GRM7: variants seen among roughly 807,000 people sequenced by gnomAD.
GRM7 encodes the protein glutamate metabotropic receptor 7, also known as metabotropic glutamate receptor 7.
A neutral mutation model predicts 84.5 loss-of-function variants in GRM7; 35 were observed. The ratio of observed to expected loss-of-function variants is 0.41; its 90% CI spans 0.32 to 0.55. GRM7 has a LOEUF of 0.55. Ranked by LOEUF, GRM7 falls within the 20% of genes least tolerant of loss-of-function variation. The pLI, the probability that GRM7 is intolerant of heterozygous loss-of-function variation, is 0.19. For missense variants in GRM7, 1,003 were observed against 1,194.6 expected (o/e 0.84, Z 2.36); for synonymous variants, 487 against 455.1 (o/e 1.07, Z -0.89).
intron 7 of GRM7, among the ~76,000 whole-genome samples, chr3:7,512,969 C>A (rs1292795379): frequency 6.6e-6 from 1 of 152,126 alleles, no homozygotes; most frequent in Non-Finnish European, 1.5e-5. Context: ...AATAGAAAAT[C>A]AATTTTAATT....
At chr3:7,297,044 T>C (rs931124943) in intron 2 of GRM7, among the ~76,000 whole-genome samples, 2 of 152,132 alleles carry the variant, frequency 1.3e-5, no homozygotes, top group Non-Finnish European at 2.9e-5. Context: ...TTTCTGCTTT[T>C]TTTTGGTATT....
At chr3:7,324,453 G>A (rs564955260) in intron 4 of GRM7, among the ~76,000 whole-genome samples, 1 of 152,256 alleles carries the variant, frequency 6.6e-6, no homozygotes, top group South Asian at 2.1e-4. Flanking sequence ...CCTCAGCCCA[G>A]TTCTATAACA....
chr3:7,378,407 T>C (rs1223094374), intron 4 of GRM7, among the ~76,000 whole-genome samples: 1 of 152,198 alleles, frequency 6.6e-6, no homozygotes, highest in African/African-American at 2.4e-5. Flanking sequence ...TAATATGAAG[T>C]AATATTTTTC....
chr3:7,730,806 C>T (rs1382954049), intron 9 of GRM7, among the ~76,000 whole-genome samples: 1 of 152,186 alleles, frequency 6.6e-6, no homozygotes, highest in East Asian at 1.9e-4. Flanking sequence ...AGATTGCTTG[C>T]ATCTATAATA....
Position 6,861,592 on chromosome 3 carries a change from C to G in GRM7, c.204C>G (p.Gly68=). The part of the protein sequence containing the change: ...HAKGPSGVPC[G]DIKRENGIHR... ...AGGGTCCCAGCGGAGTGCCCTGCGGCGACATCAAGAGGGAAAACGGGATCC... is the reference window on the plus strand; with the variant it reads ...AGGGTCCCAGCGGAGTGCCCTGCGGGGACATCAAGAGGGAAAACGGGATCC... Residue 68 remains glycine, a synonymous_variant, in exon 1 of 10, where the codon GGC becomes GGG. Transcript: ENST00000357716. This position sits in a 1 kb window ranked among gnomAD's most constrained non-coding sequence, Gnocchi z 6.4. 6.2e-7 allele frequency: 1 copy of G among 1,609,438 alleles called. No homozygotes were observed. The highest frequency in any genetic ancestry group is 8.5e-7 in the Non-Finnish European group (1 of 1,177,536).
At chr3:7,076,563 G>A (rs1698087994) in intron 1 of GRM7, among the ~76,000 whole-genome samples, 3 of 152,200 alleles carry the variant, frequency 2.0e-5, no homozygotes, top group Middle Eastern at 3.4e-3. Context: ...GCAGAACTTT[G>A]AGTCAATTAA....
intron 9 of GRM7, chr3:7,691,389 G>A: frequency 1.9e-6 from 1 of 514,454 alleles, no homozygotes. Flanking sequence ...CTCTGGTCAA[G>A]AAAAAGAAAA....
At chr3:7,050,420 G>A (rs772452386) in intron 1 of GRM7, among the ~76,000 whole-genome samples, 5 of 151,902 alleles carry the variant, frequency 3.3e-5, no homozygotes, top group African/African-American at 9.6e-5. Flanking sequence ...AAGCTTCGTA[G>A]CCTGGAAACA....
intron 1 of GRM7, among the ~76,000 whole-genome samples, chr3:6,960,191 C>A (rs1400167156): frequency 6.6e-6 from 1 of 152,140 alleles, no homozygotes; most frequent in African/African-American, 2.4e-5. Context: ...AGCTGAGCCA[C>A]CCCCAATCCA....
Position 7,337,501 on chromosome 3 carries a change from C to A in GRM7, c.1033+30849C>A, listed in dbSNP as rs954206142. On this transcript the variant is annotated intron_variant, in intron 4 of 9. Coordinates refer to ENST00000357716, the MANE Select transcript of GRM7 (RefSeq NM_000844.4). ...ACCCCACAGAGTGGGAGAAAGTATT[C>A]GCAAACTACGCATCCAACAAAGGAC... Among the ~76,000 whole-genome samples, 3 of 151,860 alleles carry A rather than the reference C, an allele frequency of 2.0e-5. 1 individual carries two copies. Among genetic ancestry groups the A allele is most frequent in the Non-Finnish European group, 1.5e-5 (1 of 67,886 alleles).
chr3:7,357,527 C>A (rs1361043034), intron 4 of GRM7, among the ~76,000 whole-genome samples: 2 of 151,986 alleles, frequency 1.3e-5, no homozygotes, highest in Admixed American at 1.3e-4. Context: ...AATATTGAGA[C>A]AATATTTAAA....
At chr3:6,965,126 G>A (rs771915366) in intron 1 of GRM7, among the ~76,000 whole-genome samples, 30 of 152,058 alleles carry the variant, frequency 2.0e-4, no homozygotes, top group Non-Finnish European at 3.5e-4. Context: ...AATAAATGAT[G>A]AGCAAAAAGA....
intron 9 of GRM7, among the ~76,000 whole-genome samples, chr3:7,709,372 A>C (rs984145113): frequency 6.6e-6 from 1 of 152,196 alleles, no homozygotes; most frequent in African/African-American, 2.4e-5. Flanking sequence ...TATTCTACAC[A>C]GTGAAGGAAA....
rs1553632699 is a variant in GRM7, at chr3:7,656,522, A to AAAAT, written c.2452-23526_2452-23525insAATA. The stretch of plus-strand genomic sequence containing the variant: ...AAAAACAAACAAACAAATAAAAAAA[A>AAAAT]ATATATATATATATATACGCGCGCG... On this transcript the variant is annotated intron_variant, in intron 8 of 9. Transcript: ENST00000357716. Among the ~76,000 whole-genome samples, 10 of 128,606 alleles carry AAAAT rather than the reference A, an allele frequency of 7.8e-5. 1 individual carries two copies. The highest frequency in any genetic ancestry group is 2.0e-4 in the African/African-American group (7 of 35,114). 84.4% of individuals were successfully genotyped at this position (128,606 alleles called of 152,430 possible).
At chr3:7,700,024 G>A (rs1031405519) in intron 9 of GRM7, among the ~76,000 whole-genome samples, 2 of 152,120 alleles carry the variant, frequency 1.3e-5, no homozygotes, top group Admixed American at 6.6e-5. Context: ...ACAAGCTAAC[G>A]TCCCAGGATG....
chr3:7,029,011 C>T (rs1696083607), intron 1 of GRM7, among the ~76,000 whole-genome samples: 5 of 152,004 alleles, frequency 3.3e-5, no homozygotes, highest in Admixed American at 3.3e-4. Context: ...ATCAAATTAC[C>T]ACATGATTAG....
chr3:7,282,919 G>A (rs1699304662), intron 2 of GRM7, among the ~76,000 whole-genome samples: 2 of 152,114 alleles, frequency 1.3e-5, no homozygotes, highest in South Asian at 4.1e-4. Context: ...TCTATCCAAG[G>A]ATTAACCAAC....
intron 9 of GRM7, among the ~76,000 whole-genome samples, chr3:7,712,118 C>T (rs189692670): frequency 8.9e-4 from 135 of 152,272 alleles, no homozygotes; most frequent in Non-Finnish European, 1.8e-3. Context: ...CCCGTGCCAG[C>T]GGCAGTGGAG....
At chr3:6,934,503 A>G (rs1359559897) in intron 1 of GRM7, among the ~76,000 whole-genome samples, 1 of 152,212 alleles carries the variant, frequency 6.6e-6, no homozygotes, top group Non-Finnish European at 1.5e-5. Context: ...CTTAAAGATT[A>G]TGGTGCTCAA....
Sources: allele counts gnomAD v4.1 joint callset (sites outside exome capture counted in the v4.1 genomes callset), GRCh38; gene constraint gnomAD v4.1.1; non-coding constraint Gnocchi (gnomAD v3.1); transcripts MANE v1.5; gene names NCBI Gene and HGNC (gene_info 2026-07-23, HGNC 2026-07-21).